PAWR: variants seen among roughly 807,000 people sequenced by gnomAD.
PAWR encodes the protein PRKC apoptosis WT1 regulator protein.
A neutral mutation model predicts 32.0 loss-of-function variants in PAWR; 23 were observed. The ratio of observed to expected loss-of-function variants is 0.72; its 90% CI spans 0.52 to 1.02. The LOEUF (loss-of-function observed/expected upper bound fraction) is 1.02, where lower values mean the gene tolerates loss of function less well. PAWR is among the 50% of genes least tolerant of loss of function. The pLI, the probability that PAWR is intolerant of heterozygous loss-of-function variation, is 0.00. For synonymous variants in PAWR, 226 were observed against 187.1 expected, an observed-to-expected ratio of 1.21 and a Z score of -1.70; for missense variants, 457 against 437.7, an observed-to-expected ratio of 1.04 and a Z score of -0.39.
rs1873447654 is a variant in PAWR, at chr12:79,588,372, T to C, written c.*4235A>G. On this transcript the variant is annotated 3_prime_UTR_variant, in exon 7 of 7. Transcript: ENST00000328827. ...ATCTGATATAACTGAATTCATTTCA[T>C]CACTGCTATAAATTCCTTAAAAGTG... is the stretch of plus-strand genomic sequence containing the variant. 6.6e-6 allele frequency: 1 copy of C among 152,022 alleles called. No homozygotes were observed. Among genetic ancestry groups the C allele is most frequent in the Admixed American group, 6.5e-5 (1 of 15,268 alleles). 9.4% of individuals were successfully genotyped at this position (152,022 alleles called of 1,614,324 possible).
chr12:79,636,910 A>T (rs2136759363), intron 2 of PAWR, among the ~76,000 whole-genome samples: 1 of 152,248 alleles, frequency 6.6e-6, no homozygotes, highest in South Asian at 2.1e-4. Context: ...TTAATTTTTG[A>T]ACAAATTTTT....
At chr12:79,604,942 A>T (rs1312405966) in intron 4 of PAWR, among the ~76,000 whole-genome samples, 1 of 152,168 alleles carries the variant, frequency 6.6e-6, no homozygotes, top group East Asian at 1.9e-4. Context: ...TCTGGATCAG[A>T]TTCCTTTTAA....
In PAWR at chr12:79,594,444, C is replaced by A. The variant is rs777016292; in HGVS notation, c.832-11G>T. ...TTCTCTTACTACTTCCTGGTAGATA[C>A]AATTAAAAACCAGTAATTAGGAAGT... On this transcript the variant is annotated splice_polypyrimidine_tract_variant and intron_variant, in intron 5 of 6. Transcript: ENST00000328827. The A allele has an allele frequency of 6.5e-6, 8 of 1,239,392 alleles. No individual in the cohort carries two copies. Among genetic ancestry groups the A allele is most frequent in the Admixed American group, 1.9e-5 (1 of 51,686 alleles). 76.8% of individuals were successfully genotyped at this position (1,239,392 alleles called of 1,614,324 possible). A position where few individuals can be genotyped will look rare whatever the true frequency, so the allele number is the denominator to read the frequency against.
At chr12:79,648,177 T>G (rs1876669193) in intron 2 of PAWR, among the ~76,000 whole-genome samples, 1 of 152,130 alleles carries the variant, frequency 6.6e-6, no homozygotes, top group Non-Finnish European at 1.5e-5. Context: ...CCTCAAAATC[T>G]TTATAAAATC....
intron 1 of PAWR, 51 bp from the exon 2 acceptor site, chr12:79,690,442 C>A: frequency 8.4e-7 from 1 of 1,193,478 alleles, no homozygotes; most frequent in Non-Finnish European, 1.1e-6. Flanking sequence ...AGATCCCCGC[C>A]CGACCCAAGG....
In PAWR at chr12:79,674,388, TAA is replaced by T. The variant is rs79442053; in HGVS notation, c.516+15339_516+15340del. 7.3e-3 allele frequency among the ~76,000 whole-genome samples: 1,030 copies of T among 140,372 alleles called. 12 individuals carry two copies. The highest frequency in any genetic ancestry group is 0.022 in the African/African-American group (844 of 38,856). 92.1% of individuals were successfully genotyped at this position (140,372 alleles called of 152,430 possible). ...AATTGGACCCCTTCTTTTCACCAGATAAAAAAAAAAAAATCAACTCAAATGGA... is the reference window on the plus strand; with the variant it reads ...AATTGGACCCCTTCTTTTCACCAGATAAAAAAAAAAATCAACTCAAATGGA... On this transcript the variant is annotated intron_variant, in intron 2 of 6. Transcript: ENST00000328827.
At chr12:79,613,935 A>T (rs1340050432) in intron 3 of PAWR, among the ~76,000 whole-genome samples, 2 of 2,934 alleles carry the variant, frequency 6.8e-4, no homozygotes, top group East Asian at 8.2e-3. Context: ...CCACCATTAT[A>T]TATATATATA....
intron 2 of PAWR, among the ~76,000 whole-genome samples, chr12:79,626,965 A>C (rs1592511563): frequency 6.6e-6 from 1 of 152,164 alleles, no homozygotes; most frequent in African/African-American, 2.4e-5. Flanking sequence ...TGTATATGCC[A>C]CATTTTCTTA....
At chr12:79,643,039 T>C (rs1218133905) in intron 2 of PAWR, among the ~76,000 whole-genome samples, 3 of 152,202 alleles carry the variant, frequency 2.0e-5, no homozygotes, top group East Asian at 1.9e-4. Context: ...TATTCTTATA[T>C]ACCAATCAAT....
At chr12:79,684,148 T>C (rs952429529) in intron 2 of PAWR, among the ~76,000 whole-genome samples, 2 of 152,102 alleles carry the variant, frequency 1.3e-5, no homozygotes, top group African/African-American at 4.8e-5. Context: ...TGTATGTGAA[T>C]TATATCTCAA....
intron 2 of PAWR, among the ~76,000 whole-genome samples, chr12:79,622,424 A>T (rs974033438): frequency 6.6e-6 from 1 of 152,090 alleles, no homozygotes; most frequent in African/African-American, 2.4e-5. Context: ...CGTCATTTAC[A>T]TTAGGTGTAT....
intron 2 of PAWR, among the ~76,000 whole-genome samples, chr12:79,662,666 T>C (rs1007842674): frequency 6.6e-6 from 1 of 152,212 alleles, no homozygotes; most frequent in Admixed American, 6.5e-5. Flanking sequence ...CCCAGCTCTT[T>C]ATGGATTCCA....
intron 2 of PAWR, among the ~76,000 whole-genome samples, chr12:79,689,110 A>G (rs1878833546): frequency 6.6e-6 from 1 of 152,216 alleles, no homozygotes; most frequent in East Asian, 1.9e-4. Flanking sequence ...TTACTAAATC[A>G]TCCCTATTGT....
At chr12:79,621,309 C>T in intron 2 of PAWR, 102 bp from the exon 3 acceptor site, 1 of 858,170 alleles carries the variant, frequency 1.2e-6, no homozygotes, top group Non-Finnish European at 1.7e-6. Context: ...TTTGTGCATT[C>T]AGAAATTAGT....
At chr12:79,613,968 T>C (rs2093960669) in intron 3 of PAWR, among the ~76,000 whole-genome samples, 1 of 9,896 alleles carries the variant, frequency 1.0e-4, no homozygotes, top group Non-Finnish European at 1.6e-4. Context: ...TATATATATA[T>C]ATATATATAT....
At chr12:79,660,350 T>C (rs532758657) in intron 2 of PAWR, among the ~76,000 whole-genome samples, 2 of 152,186 alleles carry the variant, frequency 1.3e-5, no homozygotes, top group African/African-American at 4.8e-5. Context: ...ATGAAAGGAA[T>C]TAAGTATCCC....
At chr12:79,648,605 A>G (rs1222102454) in intron 2 of PAWR, among the ~76,000 whole-genome samples, 2 of 145,422 alleles carry the variant, frequency 1.4e-5, no homozygotes, top group African/African-American at 5.4e-5. Context: ...CAACATAATG[A>G]GACCCTGTCT....
chr12:79,647,807 T>C (rs537455286), intron 2 of PAWR, among the ~76,000 whole-genome samples: 1 of 152,200 alleles, frequency 6.6e-6, no homozygotes, highest in East Asian at 1.9e-4. Flanking sequence ...CAACTAAGTA[T>C]CAAAATTAAA....
chr12:79,662,537 T>G (rs1877401693), intron 2 of PAWR, among the ~76,000 whole-genome samples: 2 of 152,204 alleles, frequency 1.3e-5, no homozygotes, highest in African/African-American at 4.8e-5. Context: ...CCATTCACAT[T>G]CTAGTTCTAG....
Sources: gnomAD v4.1 joint callset for allele counts (sites outside exome capture counted in the v4.1 genomes callset) on GRCh38, gnomAD v4.1.1 for gene constraint, MANE v1.5 for transcripts, NCBI Gene and HGNC (gene_info 2026-07-23, HGNC 2026-07-21) for gene names.